The following VRK1 variants were observed in gnomAD, a reference collection of about 807,000 sequenced individuals.
VRK1 encodes serine/threonine-protein kinase VRK1.
VRK1 carries 33 observed loss-of-function variants against 57.1 expected under a neutral mutation model. The observed-to-expected ratio is 0.58, with a 90% CI of 0.44 to 0.77. The LOEUF (loss-of-function observed/expected upper bound fraction) is 0.77, where lower values mean the gene tolerates loss of function less well. VRK1 is among the 30% of genes least tolerant of loss of function. VRK1 has a pLI of 0.00. For synonymous variants in VRK1, 137 were observed against 147.8 expected (o/e 0.93, Z 0.53); for missense variants, 413 against 477.3 (o/e 0.87, Z 1.25).
chr14:96,848,792 C>T (rs1887819225), intron 5 of VRK1, among the ~76,000 whole-genome samples: 1 of 151,996 alleles, frequency 6.6e-6, no homozygotes. Flanking sequence ...TAACAGCTAC[C>T]CACTTAATGA....
intron 1 of VRK1, among the ~76,000 whole-genome samples, chr14:96,817,011 A>C (rs115806231): frequency 5.6e-4 from 86 of 152,356 alleles, no homozygotes; most frequent in African/African-American, 2.0e-3. Context: ...AAAAGTATTT[A>C]CATATGAAAT....
chr14:96,810,527 A>G (rs1401760396), intron 1 of VRK1, among the ~76,000 whole-genome samples: 1 of 152,296 alleles, frequency 6.6e-6, no homozygotes, highest in Non-Finnish European at 1.5e-5. Context: ...CTTTTTTCAT[A>G]TGGTTATCTA....
At chr14:96,877,242 G>C (rs1889078129) in intron 12 of VRK1, 1 of 237,328 alleles carries the variant, frequency 4.2e-6, no homozygotes, top group Non-Finnish European at 8.6e-6. Context: ...TTTGTGGAAA[G>C]CACAGTATTC....
rs569503489 is a variant in VRK1, at chr14:96,837,890, A to G, written c.216+73A>G. 6.2e-5 allele frequency: 61 copies of G among 988,534 alleles called. No individual in the cohort carries two copies. The Middle Eastern group carries it at 9.5e-4, about 15-fold the overall frequency. 61.2% of individuals were successfully genotyped at this position (988,534 alleles called of 1,614,324 possible). On this transcript the variant is annotated intron_variant, in intron 3 of 12. Coordinates refer to ENST00000216639, the MANE Select transcript of VRK1 (RefSeq NM_003384.3). Reference sequence around the variant, plus strand: ...AGTATTTTGTAAAATGCCTTTTTTGATTAACTAGAATTAATTAAACCATAA... The same window carrying G: ...AGTATTTTGTAAAATGCCTTTTTTGGTTAACTAGAATTAATTAAACCATAA...
At chr14:96,834,894 C>T (rs1887154884) in intron 2 of VRK1, among the ~76,000 whole-genome samples, 1 of 152,132 alleles carries the variant, frequency 6.6e-6, no homozygotes, top group Non-Finnish European at 1.5e-5. Flanking sequence ...GCTGTCTTTA[C>T]TACAGGATAT....
At chr14:96,846,215 T>G (rs2139779382) in intron 4 of VRK1, 51 bp downstream of exon 4, 3 of 1,572,028 alleles carry the variant, frequency 1.9e-6, no homozygotes, top group Non-Finnish European at 2.6e-6. Context: ...ACCAGTTTTT[T>G]GTTTTAAGCC....
chr14:96,834,533 G>A (rs1887140504), intron 2 of VRK1, among the ~76,000 whole-genome samples: 1 of 152,174 alleles, frequency 6.6e-6, no homozygotes, highest in Non-Finnish European at 1.5e-5. Flanking sequence ...AGAACCACTG[G>A]TTGGTAAAAG....
intron 3 of VRK1, among the ~76,000 whole-genome samples, chr14:96,845,383 G>A (rs565687043): frequency 2.4e-4 from 37 of 152,186 alleles, no homozygotes; most frequent in South Asian, 6.2e-4. Flanking sequence ...GTTATTTCTT[G>A]TTTGTGCAAA....
intron 5 of VRK1, among the ~76,000 whole-genome samples, chr14:96,851,892 A>G (rs1002201143): frequency 6.6e-6 from 1 of 152,230 alleles, no homozygotes; most frequent in African/African-American, 2.4e-5. Context: ...TGTTCAGTAA[A>G]TGCTAGATGT....
At chr14:96,845,780 T>A (rs1887661102) in intron 3 of VRK1, among the ~76,000 whole-genome samples, 1 of 152,240 alleles carries the variant, frequency 6.6e-6, no homozygotes, top group South Asian at 2.1e-4. Context: ...TTGCTCATCT[T>A]TGCTTAAGGG....
chr14:96,808,006 T>TCTCC (rs1566683545), intron 1 of VRK1, among the ~76,000 whole-genome samples: 23 of 117,096 alleles, frequency 2.0e-4, no homozygotes, highest in African/African-American at 7.0e-4. Flanking sequence ...TCTCTCCCTC[T>TCTCC]CTCTCTCCCT....
chr14:96,844,869 G>A (rs1266956510), intron 3 of VRK1, among the ~76,000 whole-genome samples: 2 of 152,100 alleles, frequency 1.3e-5, no homozygotes, highest in East Asian at 1.9e-4. Flanking sequence ...CTTTAATTGG[G>A]GATTCCTATT....
At position 96,844,592 on chromosome 14, in the gene VRK1, A is replaced by C. The variant is rs147070298; in HGVS notation, c.217-1503A>C. ...AATCTTGCTTTGTTGCCCAGGGTGG[A>C]GTGCAGTGGCACGATCTTAGCTTAC... On this transcript the variant is annotated intron_variant, in intron 3 of 12. Coordinates refer to ENST00000216639, the MANE Select transcript of VRK1 (RefSeq NM_003384.3). Among the ~76,000 whole-genome samples the C allele has an allele frequency of 8.1e-4, 124 of 152,238 alleles. 1 individual carries two copies. Among genetic ancestry groups the C allele is most frequent in the African/African-American group, 2.9e-3 (119 of 41,540 alleles).
chr14:96,861,005 T>C (rs1888369509), intron 11 of VRK1: 1 of 271,970 alleles, frequency 3.7e-6, no homozygotes, highest in Non-Finnish European at 7.0e-6. Flanking sequence ...GATGGTGCAC[T>C]GAATTCATAA....
At chr14:96,858,632 C>G (rs774055863) in intron 10 of VRK1, among the ~76,000 whole-genome samples, 14 of 152,160 alleles carry the variant, frequency 9.2e-5, no homozygotes, top group Non-Finnish European at 1.9e-4. Flanking sequence ...ACCCAGCAGC[C>G]TTTCTTGAAA....
chr14:96,814,802 T>A (rs1886331158), intron 1 of VRK1, among the ~76,000 whole-genome samples: 1 of 152,210 alleles, frequency 6.6e-6, no homozygotes, highest in African/African-American at 2.4e-5. Context: ...TGGCGAATAT[T>A]CCATGCCAAT....
At chr14:96,836,774 C>T (rs1052870068) in intron 2 of VRK1, among the ~76,000 whole-genome samples, 1 of 152,062 alleles carries the variant, frequency 6.6e-6, no homozygotes, top group East Asian at 1.9e-4. Flanking sequence ...GGTGATCCAC[C>T]TGCGTTGACC....
intron 1 of VRK1, among the ~76,000 whole-genome samples, chr14:96,814,419 A>G (rs1020724322): frequency 6.6e-6 from 1 of 152,230 alleles, no homozygotes; most frequent in Non-Finnish European, 1.5e-5. Context: ...GGTAAATTCT[A>G]GACTAATATT....
chr14:96,880,547 A>G (rs1889220921), intron 12 of VRK1, among the ~76,000 whole-genome samples: 1 of 152,218 alleles, frequency 6.6e-6, no homozygotes, highest in South Asian at 2.1e-4. Flanking sequence ...CCCCCAGCAG[A>G]GAGTCATTGA....
Sources: allele counts gnomAD v4.1 joint callset (sites outside exome capture counted in the v4.1 genomes callset), GRCh38; gene constraint gnomAD v4.1.1; transcripts MANE v1.5; gene names NCBI Gene and HGNC (gene_info 2026-07-23, HGNC 2026-07-21).